Variants in SHISA9 observed in about 807,000 individuals in gnomAD.
SHISA9 encodes shisa family member 9.
SHISA9 carries 13 observed loss-of-function variants against 38.0 expected under a neutral mutation model. That is an observed-to-expected ratio of 0.34 (90% CI 0.22 to 0.54). The LOEUF is 0.54. SHISA9 is among the 20% of genes least tolerant of loss of function. The pLI is 0.91. For missense variants in SHISA9, 538 were observed against 575.8 expected (o/e 0.93, Z 0.67); for synonymous variants, 275 against 242.0 (o/e 1.14, Z -1.27).
chr16:13,414,578 T>C, the SHISA9 span, among the ~76,000 whole-genome samples: 1 of 151,926 alleles, frequency 6.6e-6, no homozygotes, highest in East Asian at 1.9e-4. Context: ...AGCGGACATG[T>C]AGGGGCTCAA....
chr16:13,477,711 TC>T, the SHISA9 span, among the ~76,000 whole-genome samples: 1 of 152,214 alleles, frequency 6.6e-6, no homozygotes, highest in African/African-American at 2.4e-5. Flanking sequence ...ATGCCTGTAA[TC>T]CCAGCATTTT....
At chr16:13,249,516 T>C in the SHISA9 span, among the ~76,000 whole-genome samples, 1 of 152,312 alleles carries the variant, frequency 6.6e-6, no homozygotes, top group African/African-American at 2.4e-5. Flanking sequence ...GGGATAAGCA[T>C]TGGTACACTG....
At chr16:13,332,168 C>G in the SHISA9 span, among the ~76,000 whole-genome samples, 1 of 152,154 alleles carries the variant, frequency 6.6e-6, no homozygotes, top group African/African-American at 2.4e-5. Context: ...CTGGAGAAGA[C>G]AGGCCTGTTG....
chr16:13,419,593 A>C, the SHISA9 span, among the ~76,000 whole-genome samples: 1 of 152,242 alleles, frequency 6.6e-6, no homozygotes, highest in Non-Finnish European at 1.5e-5. Flanking sequence ...GAGGATTAAA[A>C]AATCAAAAGT....
chr16:13,293,919 G>A, the SHISA9 span, among the ~76,000 whole-genome samples: 94,607 of 152,070 alleles, frequency 0.62, 29,534 homozygotes, highest in Admixed American at 0.67. Context: ...ATTGGGTTTT[G>A]TCTTGCTGTG....
chr16:13,493,778 CTA>C, the SHISA9 span, among the ~76,000 whole-genome samples: 3 of 152,096 alleles, frequency 2.0e-5, no homozygotes, highest in African/African-American at 7.2e-5. Context: ...TCATTCACCT[CTA>C]TGTGCTAAGT....
At chr16:13,487,595 C>T in the SHISA9 span, among the ~76,000 whole-genome samples, 1 of 152,206 alleles carries the variant, frequency 6.6e-6, no homozygotes, top group Non-Finnish European at 1.5e-5. Context: ...CCACCAGACC[C>T]CACCTCCAAC....
At chr16:13,470,352 T>C in the SHISA9 span, among the ~76,000 whole-genome samples, 1 of 152,166 alleles carries the variant, frequency 6.6e-6, no homozygotes, top group Non-Finnish European at 1.5e-5. Flanking sequence ...GAGGAGTGTA[T>C]TAGTCTGTTC....
chr16:13,105,067 G>C (rs57209057), intron 2 of SHISA9, among the ~76,000 whole-genome samples: 2 of 151,984 alleles, frequency 1.3e-5, no homozygotes. Context: ...AGTGTTTAAC[G>C]TCAAGGAAAT....
chr16:13,051,854 TC>T (rs2073255174), intron 2 of SHISA9, among the ~76,000 whole-genome samples: 1 of 151,934 alleles, frequency 6.6e-6, no homozygotes, highest in Non-Finnish European at 1.5e-5. Flanking sequence ...AACCTCTGCC[TC>T]CCCGGTTCAA....
At chr16:13,397,264 TG>T in the SHISA9 span, among the ~76,000 whole-genome samples, 3 of 152,116 alleles carry the variant, frequency 2.0e-5, no homozygotes, top group African/African-American at 4.8e-5. Context: ...GGGCTTGTAA[TG>T]GGGGTGTGGC....
chr16:13,404,925 C>T, the SHISA9 span, among the ~76,000 whole-genome samples: 3 of 152,140 alleles, frequency 2.0e-5, no homozygotes, highest in Non-Finnish European at 2.9e-5. Flanking sequence ...CTACTTGTCC[C>T]TCTGGACACA....
chr16:13,469,384 AG>A, the SHISA9 span, among the ~76,000 whole-genome samples: 4 of 104,600 alleles, frequency 3.8e-5, no homozygotes, highest in African/African-American at 3.6e-5. Context: ...AAAGAAAGAA[AG>A]AAAGAAAGAA....
At chr16:13,346,842 T>A in the SHISA9 span, among the ~76,000 whole-genome samples, 1 of 152,232 alleles carries the variant, frequency 6.6e-6, no homozygotes, top group Non-Finnish European at 1.5e-5. Context: ...CATTTAATAT[T>A]TACCTGCACC....
chr16:13,531,022 A>G, the SHISA9 span, among the ~76,000 whole-genome samples: 4 of 152,324 alleles, frequency 2.6e-5, 1 homozygote, highest in South Asian at 4.1e-4. Flanking sequence ...AACAGTGAGT[A>G]AAGCAGAGAA....
intron 2 of SHISA9, among the ~76,000 whole-genome samples, chr16:12,946,693 C>A (rs945930265): frequency 6.6e-6 from 1 of 152,118 alleles, no homozygotes; most frequent in Non-Finnish European, 1.5e-5. Context: ...GGTTGGGGGC[C>A]GAGTAATTTC....
At chr16:13,269,483 A>G in the SHISA9 span, among the ~76,000 whole-genome samples, 1 of 152,194 alleles carries the variant, frequency 6.6e-6, no homozygotes, top group Non-Finnish European at 1.5e-5. Flanking sequence ...TCCCACTGCC[A>G]TCTATCTTCC....
At chr16:13,519,210 AAC>A in the SHISA9 span, among the ~76,000 whole-genome samples, 1 of 152,252 alleles carries the variant, frequency 6.6e-6, no homozygotes, top group Admixed American at 6.5e-5. Context: ...CATCAAATAA[AAC>A]AGTGTAAATG....
the SHISA9 span, among the ~76,000 whole-genome samples, chr16:13,365,994 G>C: frequency 3.3e-4 from 51 of 152,264 alleles, no homozygotes; most frequent in African/African-American, 1.2e-3. Context: ...TAAAAGCTCT[G>C]CTGAAGCCTT....
Sources: allele counts gnomAD v4.1 joint callset (sites outside exome capture counted in the v4.1 genomes callset), GRCh38; gene constraint gnomAD v4.1.1; transcripts MANE v1.5; gene names NCBI Gene and HGNC (gene_info 2026-07-23, HGNC 2026-07-21).